TXLNB: variants seen among roughly 807,000 people sequenced by gnomAD.
TXLNB encodes the protein beta-taxilin.
Under a neutral mutation model 57.4 loss-of-function variants are expected in TXLNB, and 37 were observed. The observed-to-expected ratio is 0.64, with a 90% CI of 0.50 to 0.85. TXLNB has a LOEUF of 0.85. Among genes scored for constraint, TXLNB ranks in the 40% least tolerant of loss-of-function variants. The pLI, the probability that TXLNB is intolerant of heterozygous loss-of-function variation, is 0.00. For synonymous variants in TXLNB, 302 were observed against 309.6 expected (o/e 0.98, Z 0.26); for missense variants, 848 against 825.6 (o/e 1.03, Z -0.33).
At chr6:139,201,078 C>T in the TXLNB span, among the ~76,000 whole-genome samples, 4 of 152,212 alleles carry the variant, frequency 2.6e-5, no homozygotes, top group Non-Finnish European at 5.9e-5. Flanking sequence ...TCCTCATTCA[C>T]AGGAGATAAC....
At chr6:139,202,971 G>A in the TXLNB span, among the ~76,000 whole-genome samples, 39 of 152,056 alleles carry the variant, frequency 2.6e-4, no homozygotes, top group African/African-American at 9.4e-4. Flanking sequence ...TTCTGTGCCT[G>A]GCTCATTTCA....
chr6:139,224,277 C>T, the TXLNB span, among the ~76,000 whole-genome samples: 4 of 132,634 alleles, frequency 3.0e-5, no homozygotes, highest in South Asian at 9.4e-4. Flanking sequence ...AGGGGAACAT[C>T]ACACTCTGGG....
the TXLNB span, among the ~76,000 whole-genome samples, chr6:139,175,912 T>C: frequency 6.6e-6 from 1 of 152,126 alleles, no homozygotes; most frequent in Admixed American, 6.5e-5. Flanking sequence ...CCTACTGAAA[T>C]GGAAAATATG....
At chr6:139,194,338 A>C in the TXLNB span, among the ~76,000 whole-genome samples, 1 of 152,202 alleles carries the variant, frequency 6.6e-6, no homozygotes, top group East Asian at 1.9e-4. Flanking sequence ...GGAGTGAATG[A>C]TTTTGAATAA....
the TXLNB span, among the ~76,000 whole-genome samples, chr6:139,213,793 G>A: frequency 1.3e-5 from 2 of 152,086 alleles, no homozygotes; most frequent in Admixed American, 1.3e-4. Context: ...TGACAAAGGG[G>A]ATATCACCAC....
the TXLNB span, chr6:139,167,132 G>C: frequency 6.2e-7 from 1 of 1,614,078 alleles, no homozygotes; most frequent in Admixed American, 1.7e-5. Flanking sequence ...CGATGCCCAA[G>C]TGGGCCAGGG....
the TXLNB span, among the ~76,000 whole-genome samples, chr6:139,201,487 T>G: frequency 1.3e-5 from 2 of 151,590 alleles, no homozygotes; most frequent in Non-Finnish European, 2.9e-5. Context: ...ATTATGTTGT[T>G]TTTTTTTTGT....
chr6:139,249,282 A>G (rs918169942), intron 7 of TXLNB, among the ~76,000 whole-genome samples: 5 of 152,248 alleles, frequency 3.3e-5, no homozygotes, highest in African/African-American at 1.2e-4. Flanking sequence ...ATATTAGGGT[A>G]GCATGTTTTG....
In TXLNB at chr6:139,243,281, C is replaced by A. The variant is rs777182897; in HGVS notation, c.1300G>T (p.Val434Leu). Residue 434 changes from valine to leucine, a missense_variant, in exon 10 of 10, where the codon GTG (valine) becomes TTG (leucine). By Grantham distance (32) the Val-to-Leu change is conservative (BLOSUM62 1). Transcript: ENST00000358430. ...TTCTCTAGCCTCCCGATTTTCATCA[C>A]AAAGCACTCATATTCTTTAGCTCTC... is the stretch of plus-strand genomic sequence containing the variant. The part of the protein sequence containing the change: ...ALRAKEYECF[V>L]MKIGRLENLC... The A allele has an allele frequency of 6.2e-7, 1 of 1,612,310 alleles. No individual in the cohort carries two copies. Among genetic ancestry groups the A allele is most frequent in the East Asian group, 2.2e-5 (1 of 44,882 alleles).
chr6:139,216,777 T>A, the TXLNB span, among the ~76,000 whole-genome samples: 1 of 152,070 alleles, frequency 6.6e-6, no homozygotes, highest in African/African-American at 2.4e-5. Flanking sequence ...GAAAAACCAA[T>A]CATCATATGT....
At chr6:139,166,857 C>T in the TXLNB span, 1 of 1,614,006 alleles carries the variant, frequency 6.2e-7, no homozygotes. Flanking sequence ...ATCCTCTCTC[C>T]TGCCCACTTC....
At chr6:139,238,203 G>A (rs776921507), downstream of TXLNB, among the ~76,000 whole-genome samples, 29 of 152,094 alleles carry the variant, frequency 1.9e-4, no homozygotes, top group Non-Finnish European at 3.7e-4. Flanking sequence ...AGACCAGTCT[G>A]GCCAACACGG....
chr6:139,232,078 T>C, the TXLNB span, among the ~76,000 whole-genome samples: 1 of 152,198 alleles, frequency 6.6e-6, no homozygotes, highest in Admixed American at 6.5e-5. Context: ...TATAAAGAAC[T>C]GCCCAAGACT....
chr6:139,267,762 G>A (rs1156947738), intron 4 of TXLNB, among the ~76,000 whole-genome samples: 1 of 152,154 alleles, frequency 6.6e-6, no homozygotes, highest in East Asian at 1.9e-4. Context: ...GACCCAGGCT[G>A]AAAATGAATG....
At chr6:139,195,335 T>A in the TXLNB span, among the ~76,000 whole-genome samples, 1 of 152,228 alleles carries the variant, frequency 6.6e-6, no homozygotes, top group Non-Finnish European at 1.5e-5. Flanking sequence ...AGCTATATAA[T>A]GTAAAGAAAA....
At chr6:139,214,865 C>T in the TXLNB span, among the ~76,000 whole-genome samples, 62 of 152,168 alleles carry the variant, frequency 4.1e-4, no homozygotes, top group Non-Finnish European at 8.1e-4. Context: ...CATGAGTGAA[C>T]TCCCATTCAC....
the TXLNB span, among the ~76,000 whole-genome samples, chr6:139,316,120 T>C: frequency 6.6e-6 from 1 of 152,238 alleles, no homozygotes; most frequent in African/African-American, 2.4e-5. Flanking sequence ...AATTTCCACT[T>C]CTATCTGTGA....
intron 3 of TXLNB, chr6:139,271,242 C>T (rs147264861): frequency 3.1e-4 from 48 of 152,632 alleles, no homozygotes; most frequent in African/African-American, 1.1e-3. Context: ...TCAGAAATAG[C>T]TTCTGCATGA....
intron 7 of TXLNB, chr6:139,255,245 G>GTT (rs1343689516): frequency 5.4e-6 from 2 of 372,028 alleles, no homozygotes; most frequent in African/African-American, 4.3e-5. Context: ...GAGAGGGGAA[G>GTT]TACGGTGGAA....
Sources: allele counts gnomAD v4.1 joint callset (sites outside exome capture counted in the v4.1 genomes callset), GRCh38; gene constraint gnomAD v4.1.1; transcripts MANE v1.5; gene names NCBI Gene and HGNC (gene_info 2026-07-23, HGNC 2026-07-21).